The following DNAH7 variants were observed in gnomAD, a reference collection of about 807,000 sequenced individuals.
The protein encoded by DNAH7 is dynein axonemal heavy chain 7, also known as axonemal beta dynein heavy chain 7.
DNAH7 carries 397 observed loss-of-function variants against 444.6 expected under a neutral mutation model. That is an observed-to-expected ratio of 0.89 (90% CI 0.82 to 0.97). The LOEUF (loss-of-function observed/expected upper bound fraction) is 0.97. Ranked by LOEUF, DNAH7 falls within the 50% of genes least tolerant of loss-of-function variation. The probability of loss-of-function intolerance (pLI) is 0.00; values close to 1 mark genes in which losing one functional copy is unlikely to be tolerated. For synonymous variants in DNAH7, 1,636 were observed against 1,624.4 expected (o/e 1.01, Z -0.17); for missense variants, 4,902 against 4,800.8 (o/e 1.02, Z -0.62).
chr2:195,972,503 G>T (rs761416721), intron 15 of DNAH7, 37 bp from the exon 16 acceptor site: 6 of 1,485,902 alleles, frequency 4.0e-6, no homozygotes, highest in South Asian at 1.1e-5. Flanking sequence ...ACATTTTAAC[G>T]AACAGCTCAT....
chr2:195,817,795 C>A lies in DNAH7; in HGVS notation c.9326G>T (p.Gly3109Val). The A allele has an allele frequency of 1.2e-6, 2 of 1,607,666 alleles. No homozygotes were observed. The highest frequency in any genetic ancestry group is 1.7e-6 in the Non-Finnish European group (2 of 1,177,860). The change falls in exon 50 of 65, where the codon GGA (glycine) becomes GTA (valine). Residue 3109 changes from glycine (G) to valine (V), a missense_variant. Transcript: ENST00000312428. ...AATTCCCAGAAGCTGATCTTGCATT[C>A]CCTCAGGGGTTATCATGAAGTTTAA... Reference protein sequence around the residue: ...TLLNFMITPEGMQDQLLGIVV... With the variant: ...TLLNFMITPEVMQDQLLGIVV...
chr2:195,970,280 T>G (rs2125568476), intron 16 of DNAH7, among the ~76,000 whole-genome samples, 186 bp from the exon 17 acceptor site: 1 of 152,292 alleles, frequency 6.6e-6, no homozygotes, highest in East Asian at 1.9e-4. Flanking sequence ...ATTAATGGAT[T>G]TAGATTCCTC....
At chr2:196,030,514 C>G (rs113858463) in intron 5 of DNAH7, among the ~76,000 whole-genome samples, 4 of 152,124 alleles carry the variant, frequency 2.6e-5, no homozygotes, top group Non-Finnish European at 4.4e-5. Context: ...CAGCATTAAC[C>G]CAAAAGTCCA....
chr2:195,794,396 C>G lies in DNAH7; in HGVS notation c.10658G>C (p.Arg3553Pro). Residue 3553 changes from arginine (R) to proline (P), a missense_variant, in exon 57 of 65, where the codon CGA (arginine) becomes CCA (proline). By Grantham distance (103) the Arg-to-Pro change is moderately radical. Transcript: ENST00000312428. ...APKGLRANII[R>P]SYLMDPISDP... ...AGAGATCGGGTCCATGAGGTATGAT[C>G]GAATGATATTAGCCCGTAAACCTTT... is the stretch of plus-strand genomic sequence containing the variant. 1 of 1,614,086 alleles carries G rather than the reference C, an allele frequency of 6.2e-7. No individual in the cohort carries two copies. Among genetic ancestry groups the G allele is most frequent in the Non-Finnish European group, 8.5e-7 (1 of 1,180,010 alleles).
intron 27 of DNAH7, among the ~76,000 whole-genome samples, chr2:195,906,013 C>T (rs1433310344): frequency 6.6e-6 from 1 of 151,892 alleles, no homozygotes; most frequent in Non-Finnish European, 1.5e-5. Flanking sequence ...AAGTAAGCTA[C>T]AGTTCAGTAA....
At chr2:195,837,493 G>C (rs575064352) in intron 47 of DNAH7, among the ~76,000 whole-genome samples, 6 of 152,272 alleles carry the variant, frequency 3.9e-5, no homozygotes, top group African/African-American at 1.2e-4. Context: ...TATCAGTAAT[G>C]GGGTAGTGAG....
At chr2:195,870,229 T>C (rs549329999) in intron 40 of DNAH7, among the ~76,000 whole-genome samples, 104 of 152,296 alleles carry the variant, frequency 6.8e-4, no homozygotes, top group African/African-American at 2.5e-3. Flanking sequence ...GTTTCTATTA[T>C]TGCAAAGACA....
Position 195,972,430 on chromosome 2 carries a change from C to A in DNAH7, c.1870G>T (p.Glu624Ter), listed in dbSNP as rs1457087459. ...IQKVEVTDMI[E>*]LEQRLVDSKN... ...GAATCCACTAATCTCTGTTCTAGTT[C>A]AATCATATCAGTTACCTCCACTTTC... Residue 624 changes from glutamate to a stop codon, truncating the protein, a stop_gained, in exon 16 of 65, where the codon GAA (glutamate) becomes TAA (stop). Coordinates refer to ENST00000312428, the MANE Select transcript of DNAH7 (RefSeq NM_018897.3). LOFTEE classifies it high-confidence loss of function. 1.2e-6 allele frequency: 2 copies of A among 1,613,938 alleles called. No individual in the cohort carries two copies. Among genetic ancestry groups the A allele is most frequent in the Non-Finnish European group, 1.7e-6 (2 of 1,180,012 alleles).
intron 48 of DNAH7, among the ~76,000 whole-genome samples, chr2:195,827,037 G>C (rs10755012): frequency 0.72 from 109,916 of 151,984 alleles, 39,961 homozygotes; most frequent in African/African-American, 0.78. Flanking sequence ...AGTAATTTGA[G>C]CAAACCCAAC....
At position 195,777,878 on chromosome 2, in the gene DNAH7, G is replaced by T; in HGVS notation, c.10986C>A (p.Phe3662Leu). 1 of 1,614,176 alleles carries T rather than the reference G, an allele frequency of 6.2e-7. No individual in the cohort carries two copies. The highest frequency in any genetic ancestry group is 8.5e-7 in the Non-Finnish European group (1 of 1,180,008). The stretch of plus-strand genomic sequence containing the variant: ...AATTTTCAACTAATTCGGGATTGAA[G>T]AATTTGTTTAGAATGCTGCGCAGCG... ...RRTLRSILNK[F>L]FNPELVENSD... The change falls in exon 59 of 65, where the codon TTC becomes TTA. Residue 3662 changes from phenylalanine (F) to leucine (L), a missense_variant. Physicochemically the swap from Phe to Leu is conservative, Grantham distance 22. Coordinates refer to ENST00000312428, the MANE Select transcript of DNAH7 (RefSeq NM_018897.3).
At chr2:195,935,093 A>C (rs1388391335) in intron 20 of DNAH7, among the ~76,000 whole-genome samples, 1 of 152,250 alleles carries the variant, frequency 6.6e-6, no homozygotes, top group Non-Finnish European at 1.5e-5. Context: ...AAGATGCTAA[A>C]GGTAACATAA....
intron 40 of DNAH7, among the ~76,000 whole-genome samples, chr2:195,870,908 A>C (rs893557539): frequency 6.6e-6 from 1 of 152,142 alleles, no homozygotes; most frequent in Non-Finnish European, 1.5e-5. Context: ...TCCTTGAATG[A>C]ATTCAGCATC....
At chr2:195,785,998 G>A (rs764723856) in intron 58 of DNAH7, among the ~76,000 whole-genome samples, 1 of 152,026 alleles carries the variant, frequency 6.6e-6, no homozygotes, top group South Asian at 2.1e-4. Context: ...TGAATATTTT[G>A]TCAAATTTAG....
Position 195,816,612 on chromosome 2 carries a change from T to C in DNAH7, c.9761+16A>G, listed in dbSNP as rs144096209. 1.9e-6 allele frequency: 3 copies of C among 1,567,036 alleles called. No individual in the cohort carries two copies. The highest frequency in any genetic ancestry group is 1.7e-5 in the Admixed American group (1 of 58,494). On this transcript the variant is annotated intron_variant, in intron 51 of 64. Transcript: ENST00000312428. The stretch of plus-strand genomic sequence containing the variant: ...GCATTAATTAGTTAATATTAACTAG[T>C]ATTTCCTTTACATACCTTTTTGCCA...
intron 5 of DNAH7, among the ~76,000 whole-genome samples, chr2:196,031,921 T>C (rs1007832656): frequency 2.6e-5 from 4 of 152,212 alleles, no homozygotes; most frequent in East Asian, 1.9e-4. Flanking sequence ...AGTTCCAAAG[T>C]TGCTTCCACA....
chr2:195,967,503 C>T (rs1461142961), intron 17 of DNAH7, among the ~76,000 whole-genome samples: 8 of 152,010 alleles, frequency 5.3e-5, no homozygotes, highest in South Asian at 2.1e-4. Flanking sequence ...CTTTCAGATT[C>T]GCAAACTATG....
intron 9 of DNAH7, among the ~76,000 whole-genome samples, chr2:196,018,319 G>C (rs1201913316): frequency 1.3e-5 from 2 of 151,934 alleles, no homozygotes; most frequent in East Asian, 3.8e-4. Flanking sequence ...TTTACTGTTG[G>C]TAAAAACGTA....
At chr2:196,013,403 T>C (rs1219535222) in intron 9 of DNAH7, among the ~76,000 whole-genome samples, 1 of 152,058 alleles carries the variant, frequency 6.6e-6, no homozygotes, top group Non-Finnish European at 1.5e-5. Flanking sequence ...ATTACTGGAG[T>C]CAACAACTTT....
At chr2:196,001,620 T>C in intron 11 of DNAH7, 55 bp downstream of exon 11, 1 of 1,377,204 alleles carries the variant, frequency 7.3e-7, no homozygotes, top group African/African-American at 1.5e-5. Flanking sequence ...CTCTCTGAAA[T>C]AATTAAAAAT....
Sources: gnomAD v4.1 joint callset for allele counts (sites outside exome capture counted in the v4.1 genomes callset) on GRCh38, gnomAD v4.1.1 for gene constraint, MANE v1.5 for transcripts, NCBI Gene and HGNC (gene_info 2026-07-23, HGNC 2026-07-21) for gene names.